The following PAN3 variants were observed in gnomAD, a reference collection of about 807,000 sequenced individuals.
PAN3 encodes the protein poly(A) specific ribonuclease subunit PAN3.
A neutral mutation model predicts 96.2 loss-of-function variants in PAN3; 19 were observed. The observed-to-expected ratio is 0.20, with a 90% CI of 0.14 to 0.29. The LOEUF is 0.29. Ranked by LOEUF, PAN3 falls within the 10% of genes least tolerant of loss-of-function variation. The pLI is 1.00. For missense variants in PAN3, 882 were observed against 1,108.1 expected, an observed-to-expected ratio of 0.80 and a Z score of 2.90; for synonymous variants, 433 against 406.6, an observed-to-expected ratio of 1.06 and a Z score of -0.78.
At chr13:28,151,444 G>T (rs1871354364) in intron 1 of PAN3, among the ~76,000 whole-genome samples, 1 of 152,078 alleles carries the variant, frequency 6.6e-6, no homozygotes, top group Admixed American at 6.6e-5. Context: ...GAACCTGGGA[G>T]TCGGAGCTTG....
chr13:28,261,076 G>GT (rs1885680498), intron 8 of PAN3, among the ~76,000 whole-genome samples: 3 of 152,120 alleles, frequency 2.0e-5, no homozygotes. Context: ...CCAGTATAGT[G>GT]TTTTTTAAAT....
chr13:28,280,260 A>T, intron 15 of PAN3, 152 bp from the exon 16 acceptor site: 1 of 864,298 alleles, frequency 1.2e-6, no homozygotes, highest in Non-Finnish European at 1.7e-6. Flanking sequence ...ATGAAATGTA[A>T]TATTTAAGAA....
intron 6 of PAN3, among the ~76,000 whole-genome samples, chr13:28,238,186 TG>T (rs1883275234): frequency 6.6e-6 from 1 of 152,210 alleles, no homozygotes; most frequent in Non-Finnish European, 1.5e-5. Context: ...TTAAGGAGGC[TG>T]GAAGGCTGCA....
At chr13:28,182,226 T>A (rs1482776079) in intron 4 of PAN3, among the ~76,000 whole-genome samples, 3 of 152,260 alleles carry the variant, frequency 2.0e-5, no homozygotes, top group Non-Finnish European at 4.4e-5. Context: ...GAAGTGTTTA[T>A]GTAGGGCAAC....
intron 5 of PAN3, among the ~76,000 whole-genome samples, chr13:28,200,934 T>C (rs1251822033): frequency 5.9e-5 from 9 of 152,224 alleles, no homozygotes; most frequent in Admixed American, 3.3e-4. Context: ...GAAATTGCTC[T>C]CAGAGTTTTC....
chr13:28,218,952 G>A (rs1378200840), intron 5 of PAN3, among the ~76,000 whole-genome samples: 1 of 152,064 alleles, frequency 6.6e-6, no homozygotes, highest in Non-Finnish European at 1.5e-5. Context: ...TAAGATTTAG[G>A]TTTAACTGGG....
At chr13:28,155,416 C>T (rs1216809949) in intron 1 of PAN3, among the ~76,000 whole-genome samples, 1 of 151,722 alleles carries the variant, frequency 6.6e-6, no homozygotes, top group African/African-American at 2.4e-5. Context: ...ATGGTGAAAC[C>T]CGTCTCTACC....
intron 1 of PAN3, among the ~76,000 whole-genome samples, chr13:28,142,167 TGA>T (rs1208789081): frequency 6.6e-6 from 1 of 152,204 alleles, no homozygotes; most frequent in Non-Finnish European, 1.5e-5. Context: ...TAGGTATTAC[TGA>T]GAGATACCAA....
Position 28,138,951 on chromosome 13 carries a change from T to C in PAN3, c.294T>C (p.Phe98=). 7.6e-7 allele frequency: 1 copy of C among 1,317,016 alleles called. No individual in the cohort carries two copies. The highest frequency in any genetic ancestry group is 2.2e-5 in the South Asian group (1 of 44,884). The allele number at this position is 1,317,016 out of a possible 1,614,324, so 81.6% of individuals were successfully genotyped here. Residue 98 remains phenylalanine (F), a synonymous_variant, in exon 1 of 19, where the codon TTT becomes TTC. Coordinates refer to ENST00000380958, the MANE Select transcript of PAN3 (RefSeq NM_175854.8). ...TGGCTGGTGCACCCGTGGCCGGCTTTCCGCCGGGAGCCGTCGCGGGCGGGG... is the reference window on the plus strand; with the variant it reads ...TGGCTGGTGCACCCGTGGCCGGCTTCCCGCCGGGAGCCGTCGCGGGCGGGG... ...LALAGAPVAG[F]PPGAVAGGGA... is the part of the protein sequence containing the mutation.
intron 6 of PAN3, among the ~76,000 whole-genome samples, chr13:28,227,230 G>T (rs1882100181): frequency 6.6e-6 from 1 of 152,200 alleles, no homozygotes; most frequent in Non-Finnish European, 1.5e-5. Flanking sequence ...GCTGCAGCTG[G>T]CTTGGAGACC....
rs1220309650 is a variant in PAN3 at position 28,138,939 on chromosome 13, C to G, written c.282C>G (p.Pro94=). 3.7e-6 allele frequency: 5 copies of G among 1,334,674 alleles called. No individual in the cohort carries two copies. The South Asian group carries it at 8.4e-5, about 22-fold the overall frequency. 82.7% of individuals were successfully genotyped at this position (1,334,674 alleles called of 1,614,324 possible). The change falls in exon 1 of 19, where the codon CCC becomes CCG. Residue 94 remains proline, a synonymous_variant. Transcript: ENST00000380958. ...NSVPLALAGA[P]VAGFPPGAVA... is the part of the protein sequence containing the mutation. The stretch of plus-strand genomic sequence containing the variant: ...TCCCCCTGGCTCTGGCTGGTGCACC[C>G]GTGGCCGGCTTTCCGCCGGGAGCCG...
intron 6 of PAN3, among the ~76,000 whole-genome samples, chr13:28,226,370 A>C (rs1004154935): frequency 1.3e-5 from 2 of 152,172 alleles, no homozygotes; most frequent in Non-Finnish European, 1.5e-5. Flanking sequence ...TTACAGCTCA[A>C]ATTAATTTGA....
chr13:28,281,127 T>G (rs1285957345), intron 16 of PAN3, among the ~76,000 whole-genome samples, 188 bp from the exon 17 acceptor site: 1 of 152,214 alleles, frequency 6.6e-6, no homozygotes, highest in African/African-American at 2.4e-5. Context: ...TCCATAATCT[T>G]CTTGAGTACC....
intron 1 of PAN3, among the ~76,000 whole-genome samples, chr13:28,172,184 G>T (rs192778383): frequency 6.6e-6 from 1 of 152,152 alleles, no homozygotes; most frequent in East Asian, 1.9e-4. Flanking sequence ...GGCTGGGCAC[G>T]GTGGCTCACG....
chr13:28,188,156 G>T (rs1876731761), intron 4 of PAN3, among the ~76,000 whole-genome samples: 1 of 152,144 alleles, frequency 6.6e-6, no homozygotes, highest in South Asian at 2.1e-4. Flanking sequence ...CAACTCAGCA[G>T]CCTATCTCCT....
chr13:28,138,565 G>T lies in PAN3; in HGVS notation c.-93G>T. On this transcript the variant is annotated 5_prime_UTR_variant, in exon 1 of 19. Transcript: ENST00000380958. ...GACCCACCCGCCCAGGCTTTTATCC[G>T]GCACCGGCAGCGTCTTCCTTTCCTC... 3.7e-6 allele frequency: 1 copy of T among 268,716 alleles called. No homozygotes were observed. The highest frequency in any genetic ancestry group is 8.1e-5 in the East Asian group (1 of 12,300). The allele number at this position is 268,716 out of a possible 1,614,324, so 16.6% of individuals were successfully genotyped here.
chr13:28,286,415 A>T (rs920384830), intron 17 of PAN3, among the ~76,000 whole-genome samples: 3 of 152,164 alleles, frequency 2.0e-5, no homozygotes, highest in African/African-American at 7.2e-5. Context: ...GGGTTGAGAG[A>T]TGGGTTATCT....
intron 1 of PAN3, among the ~76,000 whole-genome samples, chr13:28,141,003 C>CTTTTTTTTT (rs979248659): frequency 0.033 from 3,749 of 112,294 alleles, 130 homozygotes; most frequent in South Asian, 0.084. Flanking sequence ...GAAAGAGACA[C>CTTTTTTTTT]TTTTTTTTTT....
chr13:28,260,711 A>G (rs548392959), intron 8 of PAN3, among the ~76,000 whole-genome samples, 160 bp downstream of exon 8: 1 of 150,042 alleles, frequency 6.7e-6, no homozygotes, highest in East Asian at 1.9e-4. Context: ...TTTTAAGGAA[A>G]CCTGTCTTTT....
Sources: allele counts gnomAD v4.1 joint callset (sites outside exome capture counted in the v4.1 genomes callset), GRCh38; gene constraint gnomAD v4.1.1; transcripts MANE v1.5; gene names NCBI Gene and HGNC (gene_info 2026-07-23, HGNC 2026-07-21).